Variants in NLK observed in about 807,000 individuals in gnomAD.
The protein encoded by NLK is serine/threonine-protein kinase NLK.
NLK carries 11 observed loss-of-function variants against 59.0 expected under a neutral mutation model. That is an observed-to-expected ratio of 0.19 (90% CI 0.12 to 0.31). NLK has a LOEUF of 0.31. Among genes scored for constraint, NLK ranks in the 10% least tolerant of loss-of-function variants. The pLI is 1.00. For missense variants in NLK, 410 were observed against 661.1 expected (o/e 0.62, Z 4.16); for synonymous variants, 235 against 235.9 (o/e 1.00, Z 0.03).
chr17:28,067,468 T>A (rs1038838019), intron 1 of NLK, among the ~76,000 whole-genome samples: 1 of 151,684 alleles, frequency 6.6e-6, no homozygotes, highest in African/African-American at 2.4e-5. Flanking sequence ...TAACAGTCTC[T>A]ATGCAATTTA....
intron 1 of NLK, among the ~76,000 whole-genome samples, chr17:28,101,171 T>C (rs998118272): frequency 2.0e-5 from 3 of 152,218 alleles, no homozygotes; most frequent in Admixed American, 6.5e-5. Flanking sequence ...CCACCACATA[T>C]TGATTTCTGT....
the NLK span, among the ~76,000 whole-genome samples, chr17:28,204,900 T>C: frequency 6.6e-6 from 1 of 152,242 alleles, no homozygotes; most frequent in Non-Finnish European, 1.5e-5. Flanking sequence ...TCCAGTAAAG[T>C]TCAGCCCTTT....
intron 3 of NLK, among the ~76,000 whole-genome samples, chr17:28,143,184 C>CA (rs1348112549): frequency 1.3e-5 from 2 of 151,900 alleles, no homozygotes; most frequent in African/African-American, 2.4e-5. Flanking sequence ...ACTGGGACTA[C>CA]AGGCACATGC....
intron 3 of NLK, among the ~76,000 whole-genome samples, chr17:28,135,749 T>G (rs1906719168): frequency 6.6e-6 from 1 of 152,234 alleles, no homozygotes; most frequent in South Asian, 2.1e-4. Flanking sequence ...TTCTCTTCAT[T>G]GAACACTTAG....
chr17:28,184,769 A>T (rs1909050899), intron 7 of NLK, among the ~76,000 whole-genome samples: 1 of 151,996 alleles, frequency 6.6e-6, no homozygotes, highest in Admixed American at 6.6e-5. Flanking sequence ...CCAACATGGC[A>T]AAACCCCTTC....
intron 2 of NLK, among the ~76,000 whole-genome samples, chr17:28,131,437 G>A (rs1906510730): frequency 6.6e-6 from 1 of 151,554 alleles, no homozygotes; most frequent in Admixed American, 6.6e-5. Context: ...AAATAAGTTT[G>A]ATATATGCTT....
At chr17:28,163,380 A>C (rs966739994) in intron 4 of NLK, among the ~76,000 whole-genome samples, 163 bp from the exon 5 acceptor site, 1 of 152,236 alleles carries the variant, frequency 6.6e-6, no homozygotes, top group Non-Finnish European at 1.5e-5. Flanking sequence ...CTGTAGCAAA[A>C]TTACGGTATT....
chr17:28,049,802 G>A (rs1269275562), intron 1 of NLK, among the ~76,000 whole-genome samples: 1 of 152,164 alleles, frequency 6.6e-6, no homozygotes, highest in Non-Finnish European at 1.5e-5. Context: ...CCAACATGGT[G>A]AAATCCCGTC....
chr17:28,197,555 A>T (rs1021947122), downstream of NLK, among the ~76,000 whole-genome samples: 5 of 151,850 alleles, frequency 3.3e-5, no homozygotes, highest in African/African-American at 1.2e-4. Context: ...GAACCTACTT[A>T]GAAAACCAAG....
intron 1 of NLK, among the ~76,000 whole-genome samples, chr17:28,069,487 C>T (rs1035101492): frequency 6.6e-6 from 1 of 152,202 alleles, no homozygotes; most frequent in Non-Finnish European, 1.5e-5. Context: ...GTGGCTTTAC[C>T]AGTTTGTACT....
chr17:28,115,627 A>C (rs1472167631), intron 1 of NLK, among the ~76,000 whole-genome samples: 1 of 152,216 alleles, frequency 6.6e-6, no homozygotes, highest in African/African-American at 2.4e-5. Context: ...TGTCCTTAGC[A>C]CACTTAAATT....
rs35666352 is a variant in NLK, at chr17:28,082,844, C to T, written c.458+39513C>T. On this transcript the variant is annotated intron_variant, in intron 1 of 10. Coordinates refer to ENST00000407008, the MANE Select transcript of NLK (RefSeq NM_016231.5). Reference sequence around the variant, plus strand: ...GCAGGTGCACATCTTAGAATTTTCTCACTTATCCTAAAAGATACCTAAATA... The same window carrying T: ...GCAGGTGCACATCTTAGAATTTTCTTACTTATCCTAAAAGATACCTAAATA... 6.4e-3 allele frequency among the ~76,000 whole-genome samples: 975 copies of T among 152,292 alleles called. 14 individuals carry two copies. Among genetic ancestry groups the T allele is most frequent in the African/African-American group, 0.022 (910 of 41,556 alleles).
intron 1 of NLK, among the ~76,000 whole-genome samples, chr17:28,068,159 AT>A (rs1279100712): frequency 9.9e-5 from 15 of 151,582 alleles, no homozygotes; most frequent in Admixed American, 2.0e-4. Flanking sequence ...AAAAAAAAAA[AT>A]ATGGATGTTC....
chr17:28,141,541 A>G (rs1194134591), intron 3 of NLK, among the ~76,000 whole-genome samples: 1 of 152,194 alleles, frequency 6.6e-6, no homozygotes, highest in Non-Finnish European at 1.5e-5. Context: ...ATCATACTGG[A>G]GTAAATGCTC....
intron 1 of NLK, among the ~76,000 whole-genome samples, chr17:28,075,956 A>G (rs1910150855): frequency 6.6e-6 from 1 of 152,202 alleles, no homozygotes; most frequent in Admixed American, 6.6e-5. Flanking sequence ...ACATTTACCC[A>G]TACAGTGAAA....
chr17:28,168,171 CA>C (rs35703027), intron 5 of NLK, among the ~76,000 whole-genome samples: 101,889 of 141,394 alleles, frequency 0.72, 36,271 homozygotes, highest in East Asian at 0.82. Flanking sequence ...CTAAATAATA[CA>C]AAAAAAAAAA....
chr17:28,096,619 T>C (rs901960605), intron 1 of NLK, among the ~76,000 whole-genome samples: 1 of 152,206 alleles, frequency 6.6e-6, no homozygotes, highest in Admixed American at 6.5e-5. Context: ...AGGGAAACTT[T>C]CAATGGGTCA....
chr17:28,194,649 A>G lies in NLK; in HGVS notation c.*13A>G, dbSNP rs1381311623. ...GGTGTGGGAGTGATGGTGGAAGATA[A>G]TGTACTACTGAAGATGTAATGTAGC... is the stretch of plus-strand genomic sequence containing the variant. On this transcript the variant is annotated 3_prime_UTR_variant, in exon 11 of 11. Coordinates refer to ENST00000407008, the MANE Select transcript of NLK (RefSeq NM_016231.5). The G allele has an allele frequency of 1.9e-6, 3 of 1,577,224 alleles. No homozygotes were observed. In the South Asian group the frequency reaches 3.4e-5, roughly 18 times the overall value.
chr17:28,201,145 A>G (rs1240700801), downstream of NLK, among the ~76,000 whole-genome samples: 1 of 152,022 alleles, frequency 6.6e-6, no homozygotes, highest in Non-Finnish European at 1.5e-5. Flanking sequence ...AGTGGGTGTG[A>G]TCTTGGCTCA....
Sources: allele counts gnomAD v4.1 joint callset (sites outside exome capture counted in the v4.1 genomes callset), GRCh38; gene constraint gnomAD v4.1.1; transcripts MANE v1.5; gene names NCBI Gene and HGNC (gene_info 2026-07-23, HGNC 2026-07-21).